The following SWAP70 variants were observed in gnomAD, a reference collection of about 807,000 sequenced individuals.
The protein encoded by SWAP70 is switching B cell complex subunit SWAP70.
SWAP70 carries 34 observed loss-of-function variants against 80.2 expected under a neutral mutation model. The observed-to-expected ratio is 0.42, with a 90% confidence interval of 0.32 to 0.56. The LOEUF (loss-of-function observed/expected upper bound fraction) is 0.56. Ranked by LOEUF, SWAP70 falls within the 20% of genes least tolerant of loss-of-function variation. The probability of loss-of-function intolerance (pLI) is 0.09; values close to 1 mark genes in which losing one functional copy is unlikely to be tolerated. For missense variants in SWAP70, 578 were observed against 690.7 expected (o/e 0.84, Z 1.83); for synonymous variants, 239 against 238.5 (o/e 1.00, Z -0.02).
chr11:9,748,791 T>C (rs888329093), intron 10 of SWAP70, among the ~76,000 whole-genome samples: 1 of 152,232 alleles, frequency 6.6e-6, no homozygotes, highest in Non-Finnish European at 1.5e-5. Context: ...CACAGGGCCA[T>C]ACACCCATTG....
intron 1 of SWAP70, among the ~76,000 whole-genome samples, chr11:9,692,688 T>C (rs192855265): frequency 2.1e-3 from 325 of 152,314 alleles, no homozygotes; most frequent in Admixed American, 3.5e-3. Flanking sequence ...GTTATTAAGC[T>C]CTTTATATTC....
intron 1 of SWAP70, among the ~76,000 whole-genome samples, chr11:9,692,650 A>C (rs187290657): frequency 6.6e-6 from 1 of 152,140 alleles, no homozygotes; most frequent in African/African-American, 2.4e-5. Context: ...GCATTTCTTT[A>C]ATACTTGTAT....
At chr11:9,685,954 T>A (rs1009626955) in intron 1 of SWAP70, among the ~76,000 whole-genome samples, 1 of 152,202 alleles carries the variant, frequency 6.6e-6, no homozygotes, top group Non-Finnish European at 1.5e-5. Flanking sequence ...CTCTTAATAC[T>A]GACACATTGG....
intron 7 of SWAP70, among the ~76,000 whole-genome samples, chr11:9,733,419 G>A (rs1851325381): frequency 6.6e-6 from 1 of 152,128 alleles, no homozygotes; most frequent in African/African-American, 2.4e-5. Context: ...TGGGATATGG[G>A]GGTGGCTCAT....
At position 9,705,331 on chromosome 11, in the gene SWAP70, T is replaced by C. The variant is rs187494608; in HGVS notation, c.241-8135T>C. Among the ~76,000 whole-genome samples the C allele has an allele frequency of 1.7e-4, 24 of 145,222 alleles. 1 individual carries two copies. The East Asian group carries it at 4.8e-3, about 29-fold the overall frequency. On this transcript the variant is annotated intron_variant, in intron 2 of 11. Transcript: ENST00000318950. ...TGTATACTTGGTGATCTGTATACAC[T>C]TGGTGATCTGTATACACTGGTGATC...
At chr11:9,718,266 C>T (rs973186235) in intron 3 of SWAP70, among the ~76,000 whole-genome samples, 1 of 152,202 alleles carries the variant, frequency 6.6e-6, no homozygotes, top group African/African-American at 2.4e-5. Flanking sequence ...ATCATTTCTT[C>T]TGGTTAGAAG....
At chr11:9,688,943 A>G (rs1361090648) in intron 1 of SWAP70, among the ~76,000 whole-genome samples, 2 of 145,826 alleles carry the variant, frequency 1.4e-5, no homozygotes, top group East Asian at 3.9e-4. Flanking sequence ...TGTTAGGAAG[A>G]ATTTTCTGGT....
At chr11:9,739,486 T>C (rs1851407687) in intron 8 of SWAP70, among the ~76,000 whole-genome samples, 1 of 152,250 alleles carries the variant, frequency 6.6e-6, no homozygotes, top group African/African-American at 2.4e-5. Context: ...ATGACTCTTC[T>C]GAAGACAGAG....
At chr11:9,668,945 A>C (rs773665881) in intron 1 of SWAP70, among the ~76,000 whole-genome samples, 1 of 152,192 alleles carries the variant, frequency 6.6e-6, no homozygotes, top group Non-Finnish European at 1.5e-5. Flanking sequence ...AGGCAAATTA[A>C]AAGGCTAAAT....
intron 1 of SWAP70, among the ~76,000 whole-genome samples, chr11:9,668,043 C>G (rs1850330216): frequency 6.6e-6 from 1 of 152,140 alleles, no homozygotes; most frequent in Admixed American, 6.5e-5. Context: ...TGCCCACTAC[C>G]ACACCTGGCT....
intron 1 of SWAP70, among the ~76,000 whole-genome samples, chr11:9,693,329 A>G (rs1850717657): frequency 6.6e-6 from 1 of 152,230 alleles, no homozygotes; most frequent in African/African-American, 2.4e-5. Context: ...AAGGTAGCCC[A>G]CACTGCTCAT....
At position 9,664,101 on chromosome 11, in the gene SWAP70, C is replaced by T; in HGVS notation, c.-79C>T. On this transcript the variant is annotated 5_prime_UTR_variant, in exon 1 of 12. Coordinates refer to ENST00000318950, the MANE Select transcript of SWAP70 (RefSeq NM_015055.4). ...CAGGTGACTGCGCGGCGGGCTGTGG[C>T]TGCGGAGGTTGAGGGGCGTCCGAGG... 1 of 1,366,284 alleles carries T rather than the reference C, an allele frequency of 7.3e-7. No individual in the cohort carries two copies. Among genetic ancestry groups the T allele is most frequent in the African/African-American group, 1.5e-5 (1 of 66,388 alleles). The allele number at this position is 1,366,284 out of a possible 1,614,324, so 84.6% of individuals were successfully genotyped here. A position where few individuals can be genotyped will look rare whatever the true frequency, so the allele number is the denominator to read the frequency against.
chr11:9,691,346 A>G (rs1006246330), intron 1 of SWAP70, among the ~76,000 whole-genome samples: 1 of 152,210 alleles, frequency 6.6e-6, no homozygotes, highest in Non-Finnish European at 1.5e-5. Flanking sequence ...GGTTTTACAA[A>G]CAAGTCCAAC....
chr11:9,720,876 C>T (rs1050968063), intron 3 of SWAP70, among the ~76,000 whole-genome samples: 8 of 152,142 alleles, frequency 5.3e-5, no homozygotes, highest in East Asian at 1.9e-4. Context: ...AGCACAGTGG[C>T]GCGATCTTGG....
chr11:9,691,930 A>G (rs1475915052), intron 1 of SWAP70, among the ~76,000 whole-genome samples: 1 of 152,102 alleles, frequency 6.6e-6, no homozygotes, highest in Non-Finnish European at 1.5e-5. Context: ...CTATCTGGAA[A>G]TTTTTGTATT....
intron 1 of SWAP70, among the ~76,000 whole-genome samples, chr11:9,667,123 C>T (rs1198997657): frequency 1.3e-5 from 2 of 151,514 alleles, no homozygotes; most frequent in Admixed American, 6.6e-5. Flanking sequence ...ACTTGGCCTC[C>T]AGAAGTGCTA....
At chr11:9,664,417 G>A (rs1254785662) in intron 1 of SWAP70, 139 bp downstream of exon 1, 3 of 920,616 alleles carry the variant, frequency 3.3e-6, no homozygotes, top group Admixed American at 2.8e-5. Flanking sequence ...CGCTTGGGGC[G>A]GAGTGGGTCT....
intron 2 of SWAP70, among the ~76,000 whole-genome samples, chr11:9,701,986 T>C (rs976650261): frequency 2.0e-5 from 3 of 152,228 alleles, no homozygotes; most frequent in Admixed American, 6.5e-5. Flanking sequence ...CAAGTTCCAA[T>C]TGGGGAATCT....
chr11:9,701,195 A>G (rs1214466005), intron 2 of SWAP70, among the ~76,000 whole-genome samples: 1 of 150,328 alleles, frequency 6.7e-6, no homozygotes, highest in Non-Finnish European at 1.5e-5. Flanking sequence ...TTTTTGAGAC[A>G]AGTCTTACTC....
Sources: allele counts gnomAD v4.1 joint callset (sites outside exome capture counted in the v4.1 genomes callset), GRCh38; gene constraint gnomAD v4.1.1; transcripts MANE v1.5; gene names NCBI Gene and HGNC (gene_info 2026-07-23, HGNC 2026-07-21).